Variants in HNRNPH1 observed in about 807,000 individuals in gnomAD.
HNRNPH1 encodes the protein heterogeneous nuclear ribonucleoprotein H1.
Under a neutral mutation model 58.6 loss-of-function variants are expected in HNRNPH1, and 4 were observed. The ratio of observed to expected loss-of-function variants is 0.07; its 90% CI spans 0.03 to 0.16. The LOEUF (loss-of-function observed/expected upper bound fraction) is 0.16, where lower values mean the gene tolerates loss of function less well. Ranked by LOEUF, HNRNPH1 falls within the 10% of genes least tolerant of loss-of-function variation. The pLI is 1.00. For missense variants in HNRNPH1, 271 were observed against 564.2 expected (o/e 0.48, Z 5.26); for synonymous variants, 192 against 189.2 (o/e 1.01, Z -0.12).
At chr5:179,622,404 T>TTA (rs1562313835) in intron 1 of HNRNPH1, among the ~76,000 whole-genome samples, 1 of 152,178 alleles carries the variant, frequency 6.6e-6, no homozygotes, top group African/African-American at 2.4e-5. Context: ...CTATGCCAAT[T>TTA]TATCCTTTCG....
At chr5:179,614,752 T>G in exon 13 of HNRNPH1, 1 of 689,662 alleles carries the variant, frequency 1.4e-6, no homozygotes, top group Non-Finnish European at 2.4e-6. Flanking sequence ...AAGCTTGTAT[T>G]GCAGAAACTG....
intron 12 of HNRNPH1, chr5:179,615,296 T>C: frequency 2.2e-6 from 1 of 449,924 alleles, no homozygotes; most frequent in East Asian, 3.3e-5. Flanking sequence ...TTAAAAAAAA[T>C]TTAACATAAA....
chr5:179,631,072 T>A (rs7442819), intron 2 of HNRNPH1, among the ~76,000 whole-genome samples: 64,134 of 151,820 alleles, frequency 0.42, 14,107 homozygotes, highest in African/African-American at 0.49. Flanking sequence ...AACAATTTAA[T>A]GTCTAATGAA....
At chr5:179,616,811 A>T (rs1769959490) in intron 10 of HNRNPH1, 58 bp downstream of exon 11, 1 of 1,351,990 alleles carries the variant, frequency 7.4e-7, no homozygotes, top group South Asian at 1.2e-5. Flanking sequence ...AACTTAACTT[A>T]TAATTGACTT....
chr5:179,615,194 G>A (rs548328262), intron 12 of HNRNPH1: 50 of 445,706 alleles, frequency 1.1e-4, no homozygotes, highest in Non-Finnish European at 1.5e-4. Context: ...GGATTCTTCA[G>A]GATCAACATG....
At chr5:179,620,756 C>T (rs1036310727) in intron 3 of HNRNPH1, 136 bp downstream of exon 4, 2 of 711,222 alleles carry the variant, frequency 2.8e-6, no homozygotes, top group Non-Finnish European at 4.7e-6. Context: ...TTGAAGGTCT[C>T]TAGGAAGAAA....
exon 1 of HNRNPH1, chr5:179,623,238 G>A (rs926447857): frequency 8.3e-6 from 6 of 719,566 alleles, no homozygotes; most frequent in Non-Finnish European, 1.1e-5. Context: ...GCCCGGGCCC[G>A]CACCGCCCCC....
chr5:179,616,101 A>C, intron 11 of HNRNPH1, 25 bp downstream of exon 12: 2 of 1,567,262 alleles, frequency 1.3e-6, no homozygotes, highest in Non-Finnish European at 1.8e-6. Context: ...AACTTACTCT[A>C]AGTACAGTAA....
At chr5:179,620,428 C>G (rs1028588626) in intron 3 of HNRNPH1, among the ~76,000 whole-genome samples, 3 of 152,216 alleles carry the variant, frequency 2.0e-5, no homozygotes, top group Non-Finnish European at 1.5e-5. Context: ...TAAACCAAGT[C>G]TTTCATAAAC....
At chr5:179,623,265 G>A in exon 1 of HNRNPH1, 2 of 550,250 alleles carry the variant, frequency 3.6e-6, no homozygotes, top group Non-Finnish European at 3.3e-6. Context: ...AGCAAAAACC[G>A]GGCGGATGCA....
chr5:179,614,931 G>A (rs562312644), exon 13 of HNRNPH1: 146 of 1,549,560 alleles, frequency 9.4e-5, no homozygotes, highest in African/African-American at 7.7e-4. Context: ...CACTACTGTA[G>A]TAGCTGCTGT....
At chr5:179,614,599 T>C in exon 13 of HNRNPH1, 1 of 332,074 alleles carries the variant, frequency 3.0e-6, no homozygotes, top group Non-Finnish European at 5.6e-6. Flanking sequence ...TATAACTAAC[T>C]TGAGAAAAGC....
At chr5:179,626,158 C>T (rs1774375353), upstream of HNRNPH1, among the ~76,000 whole-genome samples, 1 of 151,962 alleles carries the variant, frequency 6.6e-6, no homozygotes, top group East Asian at 1.9e-4. Flanking sequence ...GGCTGGAGTA[C>T]AGTGGTGCAA....
chr5:179,620,241 T>C (rs935715310), intron 3 of HNRNPH1, among the ~76,000 whole-genome samples: 1 of 152,226 alleles, frequency 6.6e-6, no homozygotes, highest in Non-Finnish European at 1.5e-5. Flanking sequence ...ACTTAAAATA[T>C]ACGATATCTT....
intron 12 of HNRNPH1, 90 bp from the exon 14 acceptor site, chr5:179,615,049 T>G (rs1470899979): frequency 1.2e-6 from 1 of 824,674 alleles, no homozygotes; most frequent in African/African-American, 1.7e-5. Flanking sequence ...TTAAAAAGTA[T>G]ACGAGTACAA....
chr5:179,619,641 A>C (rs1470344229), intron 3 of HNRNPH1: 1 of 313,440 alleles, frequency 3.2e-6, no homozygotes, highest in South Asian at 1.2e-4. Flanking sequence ...AACTTGCTGA[A>C]CACAGGATGC....
chr5:179,620,155 A>G lies in HNRNPH1; in HGVS notation c.397+737T>C, dbSNP rs576795064. 2.2e-4 allele frequency: 34 copies of G among 152,344 alleles called. 1 individual carries two copies. Among genetic ancestry groups the G allele is most frequent in the Admixed American group, 9.8e-4 (15 of 15,302 alleles). 9.4% of individuals were successfully genotyped at this position (152,344 alleles called of 1,614,324 possible). A position where few individuals can be genotyped will look rare whatever the true frequency, so the allele number is the denominator to read the frequency against. On this transcript the variant is annotated intron_variant, in intron 3 of 12. Transcript: ENST00000356731. ...ATTCTGACATTAGGACTCGATACAT[A>G]TATCAATTTTTAACATACTACACTA...
exon 8 of HNRNPH1, chr5:179,617,635 G>A (rs780291811): frequency 6.2e-7 from 1 of 1,612,984 alleles, no homozygotes; most frequent in Non-Finnish European, 8.5e-7. Context: ...TCACAGGGTT[G>A]AGCGGTGAAA....
intron 3 of HNRNPH1, among the ~76,000 whole-genome samples, chr5:179,620,248 T>C (rs1771715359): frequency 6.6e-6 from 1 of 152,234 alleles, no homozygotes; most frequent in Non-Finnish European, 1.5e-5. Context: ...ATATACGATA[T>C]CTTATCTAAC....
Sources: allele counts gnomAD v4.1 joint callset (sites outside exome capture counted in the v4.1 genomes callset), GRCh38; gene constraint gnomAD v4.1.1; transcripts MANE v1.5; gene names NCBI Gene and HGNC (gene_info 2026-07-23, HGNC 2026-07-21).